The following REPS2 variants were observed in gnomAD, a reference collection of about 807,000 sequenced individuals.
REPS2 encodes ralBP1-associated Eps domain-containing protein 2.
In REPS2, 23 loss-of-function variants were observed where a neutral mutation model predicts 53.6. That is an observed-to-expected ratio of 0.43 (90% CI 0.31 to 0.61). The LOEUF (loss-of-function observed/expected upper bound fraction) is 0.61, where lower values mean the gene tolerates loss of function less well. REPS2 is among the 20% of genes least tolerant of loss of function. The pLI is 0.11. For synonymous variants in REPS2, 238 were observed against 218.6 expected, an observed-to-expected ratio of 1.09 and a Z score of -0.78; for missense variants, 446 against 534.9, an observed-to-expected ratio of 0.83 and a Z score of 1.64.
intron 5 of REPS2, among the ~76,000 whole-genome samples, chrX:17,038,589 G>A (rs1187705188): frequency 2.7e-5 from 3 of 112,718 alleles, no homozygotes; most frequent in African/African-American, 9.7e-5. Flanking sequence ...TCCGTCTTCC[G>A]TGGGTGTATT....
intron 3 of REPS2, among the ~76,000 whole-genome samples, chrX:17,023,046 T>C (rs1000829217): frequency 1.8e-5 from 2 of 112,303 alleles, no homozygotes; most frequent in African/African-American, 6.5e-5. Flanking sequence ...AAGGTATAGC[T>C]CATACTTCCA....
the REPS2 span, among the ~76,000 whole-genome samples, chrX:17,181,805 CAGTT>C: frequency 8.9e-5 from 10 of 112,190 alleles, no homozygotes; most frequent in African/African-American, 3.2e-4. Context: ...TAAAACTACA[CAGTT>C]AGCCAATTCA....
intron 4 of REPS2, among the ~76,000 whole-genome samples, chrX:17,026,787 G>A (rs949457167): frequency 6.3e-5 from 7 of 110,673 alleles, no homozygotes; most frequent in Admixed American, 3.9e-4. Flanking sequence ...AAATGTACCC[G>A]TTTTATTTGT....
chrX:17,172,277 A>G, the REPS2 span, among the ~76,000 whole-genome samples: 2 of 111,668 alleles, frequency 1.8e-5, no homozygotes, highest in Admixed American at 9.5e-5. Context: ...TAGTGAATTT[A>G]TAATTCCCAG....
At chrX:17,108,111 T>C (rs1031527916) in intron 14 of REPS2, among the ~76,000 whole-genome samples, 2 of 110,145 alleles carry the variant, frequency 1.8e-5, no homozygotes, top group Non-Finnish European at 3.8e-5. Context: ...TTAAATGTAT[T>C]AGCCCACTGT....
At chrX:17,140,702 G>T (rs2063430972) in intron 17 of REPS2, among the ~76,000 whole-genome samples, 1 of 107,110 alleles carries the variant, frequency 9.3e-6, no homozygotes, top group Non-Finnish European at 1.9e-5. Context: ...TTTTTCTTAT[G>T]ATGTAAAATG....
chrX:16,974,300 A>G (rs1160495454), intron 1 of REPS2, among the ~76,000 whole-genome samples: 2 of 111,102 alleles, frequency 1.8e-5, no homozygotes, highest in African/African-American at 3.3e-5. Flanking sequence ...TTTGTCTTTC[A>G]TGACATCGAC....
At chrX:17,168,339 C>T in the REPS2 span, among the ~76,000 whole-genome samples, 2 of 111,557 alleles carry the variant, frequency 1.8e-5, no homozygotes, top group African/African-American at 6.5e-5. Context: ...CATGGTGAAA[C>T]ATCGTTTATA....
chrX:16,946,914 G>GC lies in REPS2; in HGVS notation c.54dup (p.Gly19ArgfsTer59). On this transcript the variant is annotated frameshift_variant, in exon 1 of 18. Coordinates refer to ENST00000357277, the MANE Select transcript of REPS2 (RefSeq NM_004726.3). LOFTEE classifies it high-confidence loss of function. ...GCGGCAGCGGCAGCGGCAGCGGCGG[G>GC]CGGGGGCTGTGGCTCCGGGCCGCCG... The GC allele has an allele frequency of 1.2e-6, 1 of 803,208 alleles. No homozygotes were observed. The highest frequency in any genetic ancestry group is 1.5e-6 in the Non-Finnish European group (1 of 673,253). The allele number at this position is 803,208 out of a possible 1,213,427, so 66.2% of individuals were successfully genotyped here. A position where few individuals can be genotyped will look rare whatever the true frequency, so the allele number is the denominator to read the frequency against.
intron 17 of REPS2, among the ~76,000 whole-genome samples, chrX:17,145,876 G>A (rs1179857822): frequency 5.4e-5 from 6 of 111,670 alleles, no homozygotes; most frequent in African/African-American, 9.8e-5. Context: ...TTGGGAGGCC[G>A]AGGTGGGCAG....
intron 6 of REPS2, among the ~76,000 whole-genome samples, chrX:17,049,317 T>C (rs749946813): frequency 2.0e-4 from 23 of 112,305 alleles, no homozygotes; most frequent in African/African-American, 7.4e-4. Flanking sequence ...GGCATTGTTA[T>C]CCTAGGAGGC....
At chrX:16,965,837 C>T (rs776801245) in intron 1 of REPS2, among the ~76,000 whole-genome samples, 11 of 112,771 alleles carry the variant, frequency 9.8e-5, no homozygotes, top group East Asian at 2.8e-4. Context: ...ACTGAGTGAA[C>T]GAGACTCCGT....
the REPS2 span, among the ~76,000 whole-genome samples, chrX:17,185,239 GT>G: frequency 8.0e-4 from 89 of 111,349 alleles, no homozygotes; most frequent in Non-Finnish European, 1.3e-3. Context: ...GCCCAGGTTT[GT>G]TCACATGGCA....
intron 14 of REPS2, among the ~76,000 whole-genome samples, chrX:17,110,263 G>C (rs1000320896): frequency 9.3e-6 from 1 of 107,793 alleles, no homozygotes; most frequent in African/African-American, 3.4e-5. Context: ...TATAGGTTGA[G>C]TACCCTTTGT....
At chrX:17,048,977 C>A (rs1250986723) in intron 6 of REPS2, among the ~76,000 whole-genome samples, 1 of 111,807 alleles carries the variant, frequency 8.9e-6, no homozygotes, top group Non-Finnish European at 1.9e-5. Flanking sequence ...CTCACTGCAG[C>A]CTCCGCCTCC....
intron 1 of REPS2, among the ~76,000 whole-genome samples, chrX:16,975,655 T>C (rs888055874): frequency 2.9e-4 from 32 of 112,219 alleles, no homozygotes; most frequent in African/African-American, 1.0e-3. Flanking sequence ...TTTGGTTAAA[T>C]TACTGTTTGC....
At chrX:17,140,105 C>T (rs1210423124) in intron 17 of REPS2, among the ~76,000 whole-genome samples, 1 of 111,803 alleles carries the variant, frequency 8.9e-6, no homozygotes, top group Non-Finnish European at 1.9e-5. Flanking sequence ...GTCCCCTTCA[C>T]AGCAAAGTTT....
chrX:17,160,062 G>A, the REPS2 span, among the ~76,000 whole-genome samples: 1 of 112,788 alleles, frequency 8.9e-6, no homozygotes, highest in African/African-American at 3.2e-5. Context: ...CAGGATCCTT[G>A]TTATGGTGGC....
chrX:16,952,251 C>T (rs1380330677), intron 1 of REPS2, among the ~76,000 whole-genome samples: 12 of 111,202 alleles, frequency 1.1e-4, no homozygotes, highest in Non-Finnish European at 2.1e-4. Flanking sequence ...GAATAGGCCC[C>T]GGTGTGTGAT....
Sources: allele counts gnomAD v4.1 joint callset (sites outside exome capture counted in the v4.1 genomes callset), GRCh38; gene constraint gnomAD v4.1.1; transcripts MANE v1.5; gene names NCBI Gene and HGNC (gene_info 2026-07-23, HGNC 2026-07-21).